Variants in GPBP1L1 observed in about 807,000 individuals in gnomAD.
GPBP1L1 encodes vasculin-like protein 1.
In GPBP1L1, 23 loss-of-function variants were observed where a neutral mutation model predicts 52.5. That is an observed-to-expected ratio of 0.44 (90% CI 0.32 to 0.62). GPBP1L1 has a LOEUF of 0.62. Among genes scored for constraint, GPBP1L1 ranks in the 20% least tolerant of loss-of-function variants. The probability of loss-of-function intolerance (pLI) is 0.06; values close to 1 mark genes in which losing one functional copy is unlikely to be tolerated. For missense variants in GPBP1L1, 596 were observed against 579.3 expected (o/e 1.03, Z -0.30); for synonymous variants, 243 against 203.1 (o/e 1.20, Z -1.67).
In GPBP1L1 at chr1:45,654,756, T is replaced by A; in HGVS notation, c.264A>T (p.Gly88=). The change falls in exon 6 of 13, where the codon GGA becomes GGT. Residue 88 remains glycine, a synonymous_variant. Coordinates refer to ENST00000355105, the MANE Select transcript of GPBP1L1 (RefSeq NM_021639.5). ...GCCAACCAGATGGGTTCCCTGTGAT[T>A]CCAGCATATGCTCCCTTAGAGACAC... ...DSGVSKGAYA[G]ITGNPSGWHS... 6.2e-7 allele frequency: 1 copy of A among 1,614,178 alleles called. No homozygotes were observed. Among genetic ancestry groups the A allele is most frequent in the Non-Finnish European group, 8.5e-7 (1 of 1,180,030 alleles).
At chr1:45,647,776 A>C (rs1205031204) in intron 6 of GPBP1L1, among the ~76,000 whole-genome samples, 1 of 152,062 alleles carries the variant, frequency 6.6e-6, no homozygotes, top group Non-Finnish European at 1.5e-5. Context: ...CACATCAGCA[A>C]TTACTCTGCC....
At chr1:45,647,434 G>C (rs1167637100) in intron 6 of GPBP1L1, among the ~76,000 whole-genome samples, 1 of 152,152 alleles carries the variant, frequency 6.6e-6, no homozygotes. Flanking sequence ...CAGCTAGCAT[G>C]AACAACGATA....
At chr1:45,628,483 G>C (rs1374674245) in intron 12 of GPBP1L1, 75 bp from the exon 13 acceptor site, 4 of 1,420,074 alleles carry the variant, frequency 2.8e-6, no homozygotes, top group Non-Finnish European at 9.6e-7. Flanking sequence ...CCCTGGGAAA[G>C]GCCAGGCCTC....
At chr1:45,638,429 TCA>T (rs1491125051) in intron 8 of GPBP1L1, among the ~76,000 whole-genome samples, 2 of 152,244 alleles carry the variant, frequency 1.3e-5, no homozygotes, top group Non-Finnish European at 2.9e-5. Context: ...AGGTTTTTTC[TCA>T]GTTATTTTCC....
intron 7 of GPBP1L1, 114 bp from the exon 8 acceptor site, chr1:45,640,517 A>AT (rs1644658755): frequency 1.2e-6 from 1 of 811,000 alleles, no homozygotes; most frequent in Non-Finnish European, 2.1e-6. Context: ...AGACAGAGGG[A>AT]TTAAACATTC....
intron 8 of GPBP1L1, among the ~76,000 whole-genome samples, chr1:45,639,577 A>T (rs1460345568): frequency 2.1e-5 from 3 of 141,514 alleles, no homozygotes; most frequent in African/African-American, 9.0e-5. Context: ...AAATAATTAA[A>T]AAAAAAAAAA....
At chr1:45,651,121 T>C (rs1455278865) in intron 6 of GPBP1L1, 3 of 503,566 alleles carry the variant, frequency 6.0e-6, no homozygotes, top group Non-Finnish European at 1.2e-5. Flanking sequence ...GCCTCCCCAG[T>C]GATGGCAGAT....
At position 45,628,186 on chromosome 1, in the gene GPBP1L1, G is replaced by T; in HGVS notation, c.*70C>A. On this transcript the variant is annotated 3_prime_UTR_variant, in exon 13 of 13. Coordinates refer to ENST00000355105, the MANE Select transcript of GPBP1L1 (RefSeq NM_021639.5). ...AACAACATAAGAAAAGGAAAAGAACGATTTCTTTTGTATACTCCCTAAACA... is the reference window on the plus strand; with the variant it reads ...AACAACATAAGAAAAGGAAAAGAACTATTTCTTTTGTATACTCCCTAAACA... The T allele has an allele frequency of 2.2e-6, 3 of 1,392,292 alleles. No homozygotes were observed. The highest frequency in any genetic ancestry group is 2.4e-5 in the South Asian group (2 of 82,032). The allele number at this position is 1,392,292 out of a possible 1,614,324, so 86.2% of individuals were successfully genotyped here.
intron 1 of GPBP1L1, among the ~76,000 whole-genome samples, chr1:45,685,966 T>A (rs1645276340): frequency 6.6e-6 from 1 of 151,742 alleles, no homozygotes; most frequent in South Asian, 2.1e-4. Context: ...CCCTCAGATA[T>A]CCAACATTTG....
intron 2 of GPBP1L1, among the ~76,000 whole-genome samples, chr1:45,668,638 C>T (rs914042933): frequency 6.6e-6 from 1 of 152,198 alleles, no homozygotes; most frequent in Non-Finnish European, 1.5e-5. Context: ...GCCTGGGCAA[C>T]AGAGCAAGAC....
intron 6 of GPBP1L1, among the ~76,000 whole-genome samples, chr1:45,647,138 A>AT (rs1034932528): frequency 3.1e-4 from 34 of 108,542 alleles, no homozygotes; most frequent in Non-Finnish European, 4.2e-4. Context: ...TTCCCAGATG[A>AT]TTTTTTTTTT....
chr1:45,629,789 G>T, intron 11 of GPBP1L1, 111 bp from the exon 12 acceptor site: 1 of 714,706 alleles, frequency 1.4e-6, no homozygotes, highest in South Asian at 1.7e-5. Flanking sequence ...GGATGTTAAA[G>T]AAGGAATTTT....
intron 2 of GPBP1L1, among the ~76,000 whole-genome samples, chr1:45,666,818 G>C (rs542399817): frequency 2.1e-4 from 32 of 152,258 alleles, no homozygotes; most frequent in Non-Finnish European, 4.0e-4. Flanking sequence ...ATCAACAGAT[G>C]AATGAACAAA....
chr1:45,646,198 T>C (rs1644743674), intron 6 of GPBP1L1: 2 of 298,160 alleles, frequency 6.7e-6, no homozygotes, highest in Non-Finnish European at 1.3e-5. Flanking sequence ...CACACACCAT[T>C]GTGGCAGCGC....
At chr1:45,638,423 T>TA in intron 8 of GPBP1L1, among the ~76,000 whole-genome samples, 1 of 152,192 alleles carries the variant, frequency 6.6e-6, no homozygotes, top group African/African-American at 2.4e-5. Flanking sequence ...TCACTAAGGT[T>TA]TTTTCTCAGT....
At chr1:45,637,659 G>A (rs551727936) in intron 8 of GPBP1L1, among the ~76,000 whole-genome samples, 1 of 151,888 alleles carries the variant, frequency 6.6e-6, no homozygotes, top group Non-Finnish European at 1.5e-5. Context: ...TGAGATCCTT[G>A]AGGACACAAT....
At chr1:45,671,965 T>C (rs1645078562) in intron 2 of GPBP1L1, among the ~76,000 whole-genome samples, 1 of 152,194 alleles carries the variant, frequency 6.6e-6, no homozygotes, top group Admixed American at 6.5e-5. Context: ...ATAATAAATC[T>C]TCCAAATCAT....
Position 45,683,747 on chromosome 1 carries a change from A to G in GPBP1L1, c.-1098+1829T>C, listed in dbSNP as rs1252929274. Among the ~76,000 whole-genome samples the G allele has an allele frequency of 4.7e-5, 5 of 106,050 alleles. No individual in the cohort carries two copies. In the East Asian group the frequency reaches 1.3e-3, roughly 28 times the overall value. The allele number at this position is 106,050 out of a possible 152,430, so 69.6% of individuals were successfully genotyped here. ...GAACCCTCCCCCTCCTCTCTAATAA[A>G]ATACAAAAAAAAAAAAAAAAAAAAA... On this transcript the variant is annotated intron_variant, in intron 2 of 12. Coordinates refer to ENST00000355105, the MANE Select transcript of GPBP1L1 (RefSeq NM_021639.5).
chr1:45,638,413 T>G (rs1009970328), intron 8 of GPBP1L1, among the ~76,000 whole-genome samples: 1 of 152,192 alleles, frequency 6.6e-6, no homozygotes, highest in African/African-American at 2.4e-5. Context: ...CCTAAGATAA[T>G]CACTAAGGTT....
Sources: allele counts gnomAD v4.1 joint callset (sites outside exome capture counted in the v4.1 genomes callset), GRCh38; gene constraint gnomAD v4.1.1; transcripts MANE v1.5; gene names NCBI Gene and HGNC (gene_info 2026-07-23, HGNC 2026-07-21).